Variants in SHISA6 observed in about 807,000 individuals in gnomAD.
The protein encoded by SHISA6 is protein shisa-6.
In SHISA6, 22 loss-of-function variants were observed where a neutral mutation model predicts 47.9. The ratio of observed to expected loss-of-function variants is 0.46; its 90% CI spans 0.33 to 0.66. The LOEUF (loss-of-function observed/expected upper bound fraction) is 0.66, where lower values mean the gene tolerates loss of function less well. Among genes scored for constraint, SHISA6 ranks in the 30% least tolerant of loss-of-function variants. SHISA6 has a pLI of 0.02. For missense variants in SHISA6, 680 were observed against 764.6 expected (o/e 0.89, Z 1.30); for synonymous variants, 388 against 337.8 (o/e 1.15, Z -1.63).
At position 11,560,372 on chromosome 17, in the gene SHISA6, T is replaced by C. The variant is rs1261651849; in HGVS notation, c.*2068T>C. The C allele has an allele frequency of 6.6e-6, 1 of 152,320 alleles. No individual in the cohort carries two copies. The highest frequency in any genetic ancestry group is 6.5e-5 in the Admixed American group (1 of 15,288). 9.4% of individuals were successfully genotyped at this position (152,320 alleles called of 1,614,324 possible). A position where few individuals can be genotyped will look rare whatever the true frequency, so the allele number is the denominator to read the frequency against. ...CTCTGCTTTCCTCCCAACAGACACA[T>C]AAACCTTCTTAAGGGCTGGTCCCCA... On this transcript the variant is annotated 3_prime_UTR_variant, in exon 6 of 6. Coordinates refer to ENST00000441885, the MANE Select transcript of SHISA6 (RefSeq NM_207386.4).
At chr17:11,264,516 G>A (rs956562298) in intron 2 of SHISA6, among the ~76,000 whole-genome samples, 4 of 152,218 alleles carry the variant, frequency 2.6e-5, no homozygotes, top group Non-Finnish European at 5.9e-5. Context: ...TACAGCTTGG[G>A]AAGTCATCTC....
In SHISA6 at chr17:11,384,863, A is replaced by C. The variant is rs184750026; in HGVS notation, c.895+5354A>C. ...GGAAGAAAGACCAAGGGAGAGAGAA[A>C]GAGAAATTTTTGAAGCCTTTGGTAA... On this transcript the variant is annotated intron_variant, in intron 3 of 5. Coordinates refer to ENST00000441885, the MANE Select transcript of SHISA6 (RefSeq NM_207386.4). Among the ~76,000 whole-genome samples the C allele has an allele frequency of 8.9e-4, 135 of 152,320 alleles. 3 individuals are homozygous for C. The highest frequency in any genetic ancestry group is 3.1e-3 in the African/African-American group (128 of 41,584).
intron 3 of SHISA6, among the ~76,000 whole-genome samples, chr17:11,430,732 T>G (rs1324539729): frequency 6.6e-6 from 1 of 152,158 alleles, no homozygotes; most frequent in Non-Finnish European, 1.5e-5. Flanking sequence ...CTGGGCATAA[T>G]AAGAACCAGA....
intron 3 of SHISA6, among the ~76,000 whole-genome samples, chr17:11,526,880 C>CATATATATAT (rs149856154): frequency 8.9e-6 from 1 of 111,924 alleles, no homozygotes; most frequent in Non-Finnish European, 2.0e-5. Flanking sequence ...TATCTATCAT[C>CATATATATAT]ATATATATAT....
At chr17:11,479,526 T>G (rs1355521954) in intron 3 of SHISA6, among the ~76,000 whole-genome samples, 3 of 152,036 alleles carry the variant, frequency 2.0e-5, no homozygotes, top group Non-Finnish European at 4.4e-5. Flanking sequence ...GCTTAAAACC[T>G]AGATGACGGG....
intron 3 of SHISA6, among the ~76,000 whole-genome samples, chr17:11,396,461 G>A (rs1240974230): frequency 2.0e-5 from 3 of 152,186 alleles, no homozygotes; most frequent in Non-Finnish European, 4.4e-5. Flanking sequence ...GTGTGCATGT[G>A]TCTTTATAGT....
At chr17:11,307,844 GA>G (rs202159984) in intron 2 of SHISA6, among the ~76,000 whole-genome samples, 2,340 of 151,760 alleles carry the variant, frequency 0.015, 68 homozygotes, top group African/African-American at 0.054. Flanking sequence ...TTGTTACATA[GA>G]TAGGATTGGA....
chr17:11,379,528 T>A lies in SHISA6; in HGVS notation c.895+19T>A, dbSNP rs1247146267. 6.7e-7 allele frequency: 1 copy of A among 1,501,348 alleles called. No individual in the cohort carries two copies. The highest frequency in any genetic ancestry group is 9.0e-7 in the Non-Finnish European group (1 of 1,112,796). 93.0% of individuals were successfully genotyped at this position (1,501,348 alleles called of 1,614,324 possible). On this transcript the variant is annotated intron_variant, in intron 3 of 5. Coordinates refer to ENST00000441885, the MANE Select transcript of SHISA6 (RefSeq NM_207386.4). ...ACCAAGGGTACAGTGGAAACCATTT[T>A]TTACTAAAATACAGAGGTTGCCTAG...
In SHISA6 at chr17:11,563,013, G is replaced by C. The variant is rs2072059705; in HGVS notation, c.*4709G>C. 6.6e-6 allele frequency: 1 copy of C among 150,586 alleles called. No homozygotes were observed. Among genetic ancestry groups the C allele is most frequent in the African/African-American group, 2.5e-5 (1 of 39,826 alleles). 9.3% of individuals were successfully genotyped at this position (150,586 alleles called of 1,614,324 possible). A position where few individuals can be genotyped will look rare whatever the true frequency, so the allele number is the denominator to read the frequency against. ...AAGACACACCTAAACCATCCTAAGTGACTGTGGAATTCTGGGGAATTCTGA... is the reference window on the plus strand; with the variant it reads ...AAGACACACCTAAACCATCCTAAGTCACTGTGGAATTCTGGGGAATTCTGA... On this transcript the variant is annotated 3_prime_UTR_variant, in exon 6 of 6. Transcript: ENST00000441885.
chr17:11,270,610 T>C (rs559608200), intron 2 of SHISA6, among the ~76,000 whole-genome samples: 1 of 152,298 alleles, frequency 6.6e-6, no homozygotes, highest in South Asian at 2.1e-4. Context: ...AGTTCTGCCC[T>C]TGAAGCACAA....
At chr17:11,432,082 AC>A (rs1914794603) in intron 3 of SHISA6, among the ~76,000 whole-genome samples, 1 of 152,196 alleles carries the variant, frequency 6.6e-6, no homozygotes, top group Non-Finnish European at 1.5e-5. Context: ...GGTTTATAAA[AC>A]CAATATTGGG....
intron 3 of SHISA6, among the ~76,000 whole-genome samples, chr17:11,411,714 T>C (rs1177849868): frequency 6.6e-6 from 1 of 152,154 alleles, no homozygotes; most frequent in Non-Finnish European, 1.5e-5. Context: ...TCACTTCTAA[T>C]TCACTGAGGG....
intron 2 of SHISA6, among the ~76,000 whole-genome samples, chr17:11,277,280 T>TCTCTCACACACACACACA (rs1386997909): frequency 2.2e-4 from 12 of 53,928 alleles, no homozygotes; most frequent in Admixed American, 1.4e-3. Context: ...TCTCTCTCTC[T>TCTCTCACACACACACACA]CACACACACA....
At chr17:11,298,473 G>A (rs1490749288) in intron 2 of SHISA6, among the ~76,000 whole-genome samples, 1 of 152,220 alleles carries the variant, frequency 6.6e-6, no homozygotes, top group Non-Finnish European at 1.5e-5. Context: ...ATACCAAAGA[G>A]AAACACAGCT....
intron 1 of SHISA6, among the ~76,000 whole-genome samples, chr17:11,251,807 T>G (rs1458114442): frequency 6.6e-6 from 1 of 152,150 alleles, no homozygotes; most frequent in African/African-American, 2.4e-5. Context: ...TCCCCTGTCC[T>G]GAGGGGCACG....
At chr17:11,388,810 A>ATTTTTTTTTTT (rs1913285471) in intron 3 of SHISA6, among the ~76,000 whole-genome samples, 1 of 93,198 alleles carries the variant, frequency 1.1e-5, no homozygotes, top group African/African-American at 4.6e-5. Flanking sequence ...ATATATATAT[A>ATTTTTTTTTTT]TATATATATA....
intron 2 of SHISA6, among the ~76,000 whole-genome samples, chr17:11,365,225 C>T (rs1310630203): frequency 1.3e-5 from 2 of 151,970 alleles, no homozygotes; most frequent in Non-Finnish European, 2.9e-5. Flanking sequence ...GTAAAGAAAT[C>T]CCTTATTCTA....
intron 3 of SHISA6, among the ~76,000 whole-genome samples, chr17:11,543,919 A>C (rs540346792): frequency 8.7e-5 from 13 of 149,878 alleles, no homozygotes; most frequent in South Asian, 2.1e-4. Flanking sequence ...GCAAAAAAAA[A>C]AAAAAAACAA....
chr17:11,425,288 C>G (rs1002222975), intron 3 of SHISA6, among the ~76,000 whole-genome samples: 2 of 151,624 alleles, frequency 1.3e-5, no homozygotes, highest in East Asian at 3.9e-4. Context: ...AAATGAGAGC[C>G]CATTTCAATT....
Sources: allele counts gnomAD v4.1 joint callset (sites outside exome capture counted in the v4.1 genomes callset), GRCh38; gene constraint gnomAD v4.1.1; transcripts MANE v1.5; gene names NCBI Gene and HGNC (gene_info 2026-07-23, HGNC 2026-07-21).